ATRN: variants seen among roughly 807,000 people sequenced by gnomAD.
ATRN encodes the protein attractin.
ATRN carries 54 observed loss-of-function variants against 178.7 expected under a neutral mutation model. The observed-to-expected ratio is 0.30, with a 90% CI of 0.24 to 0.38. ATRN has a LOEUF of 0.38. Ranked by LOEUF, ATRN falls within the 10% of genes least tolerant of loss-of-function variation. The pLI, the probability that ATRN is intolerant of heterozygous loss-of-function variation, is 1.00. For synonymous variants in ATRN, 636 were observed against 663.0 expected, an observed-to-expected ratio of 0.96 and a Z score of 0.63; for missense variants, 1,443 against 1,815.1, an observed-to-expected ratio of 0.79 and a Z score of 3.73.
chr20:3,548,178 C>G (rs2085735747), intron 5 of ATRN, among the ~76,000 whole-genome samples: 1 of 152,078 alleles, frequency 6.6e-6, no homozygotes, highest in Non-Finnish European at 1.5e-5. Context: ...TTTGATTTAC[C>G]AGAAGATGGA....
Position 3,616,447 on chromosome 20 carries a change from G to C in ATRN, c.3802-8064G>C, listed in dbSNP as rs527794442. On this transcript the variant is annotated intron_variant, in intron 24 of 28. Coordinates refer to ENST00000262919, the MANE Select transcript of ATRN (RefSeq NM_139321.3). ...AGTGCCCTGTGTCACCTGAGTCCAA[G>C]TTAAGAGAGATCACACCAGAGCTGA... Among the ~76,000 whole-genome samples, 17 of 151,226 alleles carry C rather than the reference G, an allele frequency of 1.1e-4. No homozygotes were observed. The South Asian group carries it at 3.6e-3, about 32-fold the overall frequency.
intron 24 of ATRN, 99 bp downstream of exon 24, chr20:3,604,361 A>G: frequency 7.3e-7 from 1 of 1,374,924 alleles, no homozygotes; most frequent in African/African-American, 1.5e-5. Context: ...TGAGATGTGC[A>G]ATGTGGCTTT....
chr20:3,584,098 G>A lies in ATRN; in HGVS notation c.2950+15G>A. 1.2e-6 allele frequency: 2 copies of A among 1,612,064 alleles called. No homozygotes were observed. The highest frequency in any genetic ancestry group is 2.2e-5 in the South Asian group (2 of 90,976). ...CACCTGCCCCCGTAAGTGAAAAAGG[G>A]AGCCCTAGGCACTTATGCATGCCCT... On this transcript the variant is annotated intron_variant, in intron 17 of 28. Coordinates refer to ENST00000262919, the MANE Select transcript of ATRN (RefSeq NM_139321.3).
chr20:3,516,404 G>A (rs1004326273), intron 1 of ATRN, among the ~76,000 whole-genome samples: 4 of 152,108 alleles, frequency 2.6e-5, no homozygotes, highest in Non-Finnish European at 5.9e-5. Flanking sequence ...GTGCCATTGA[G>A]TGTAAAATGC....
At chr20:3,492,857 G>A (rs780745311) in intron 1 of ATRN, among the ~76,000 whole-genome samples, 7 of 121,416 alleles carry the variant, frequency 5.8e-5, no homozygotes, top group Admixed American at 1.6e-4. Flanking sequence ...AGAGAGAGGC[G>A]CGCGCGCGCG....
chr20:3,490,849 G>A, intron 1 of ATRN: 1 of 827,850 alleles, frequency 1.2e-6, no homozygotes, highest in Non-Finnish European at 2.2e-6. Context: ...AGATCCCTCA[G>A]GTTCCCACTG....
chr20:3,548,641 C>A (rs911237169), intron 5 of ATRN, among the ~76,000 whole-genome samples: 1 of 150,686 alleles, frequency 6.6e-6, no homozygotes, highest in East Asian at 1.9e-4. Flanking sequence ...ATAAAAGATA[C>A]GCATATGAAA....
rs2087111038 is a variant in ATRN, at chr20:3,646,782, G to A, written c.4225G>A (p.Glu1409Lys). 6.2e-7 allele frequency: 1 copy of A among 1,610,058 alleles called. No individual in the cohort carries two copies. Among genetic ancestry groups the A allele is most frequent in the Non-Finnish European group, 8.5e-7 (1 of 1,178,328 alleles). Residue 1409 changes from glutamate (E) to lysine (K), a missense_variant, in exon 29 of 29, where the codon GAG becomes AAG. Glu to Lys is a moderately conservative substitution (Grantham distance 56, BLOSUM62 1). Coordinates refer to ENST00000262919, the MANE Select transcript of ATRN (RefSeq NM_139321.3). ...ISQQMPIVYK[E>K]KSGAVRNRKQ... ...TCAGCAGATGCCGATAGTGTACAAG[G>A]AGAAGTCAGGAGCCGTGAGAAACCG...
In ATRN at chr20:3,650,570, C is replaced by A. The variant is rs886986314; in HGVS notation, c.*3723C>A. 1.3e-5 allele frequency: 2 copies of A among 152,316 alleles called. No individual in the cohort carries two copies. Among genetic ancestry groups the A allele is most frequent in the East Asian group, 3.9e-4 (2 of 5,178 alleles). 9.4% of individuals were successfully genotyped at this position (152,316 alleles called of 1,614,324 possible). On this transcript the variant is annotated 3_prime_UTR_variant, in exon 29 of 29. Coordinates refer to ENST00000262919, the MANE Select transcript of ATRN (RefSeq NM_139321.3). The stretch of plus-strand genomic sequence containing the variant: ...TGACCAAACTTGGCTCCAGCCATTG[C>A]GGTGGTTTCTAGATAGCCAGGCCCA...
chr20:3,508,949 T>C (rs2146123053), intron 1 of ATRN, among the ~76,000 whole-genome samples: 1 of 152,044 alleles, frequency 6.6e-6, no homozygotes, highest in East Asian at 1.9e-4. Context: ...TAATCACTAA[T>C]AGTAGTAAAA....
At chr20:3,524,409 G>A (rs778884337) in intron 1 of ATRN, among the ~76,000 whole-genome samples, 6 of 152,180 alleles carry the variant, frequency 3.9e-5, no homozygotes, top group East Asian at 1.9e-4. Flanking sequence ...ACCCAGATTC[G>A]TAAAGCAAGT....
chr20:3,548,125 A>G (rs1488039000), intron 5 of ATRN, among the ~76,000 whole-genome samples: 1 of 151,670 alleles, frequency 6.6e-6, no homozygotes, highest in Non-Finnish European at 1.5e-5. Flanking sequence ...CAGAAGCCAA[A>G]CCTCCCAAGA....
intron 1 of ATRN, among the ~76,000 whole-genome samples, chr20:3,473,684 G>A (rs1310565617): frequency 6.6e-6 from 1 of 152,170 alleles, no homozygotes; most frequent in African/African-American, 2.4e-5. Flanking sequence ...GTCAGACGAG[G>A]ATCCTTCAAG....
At chr20:3,625,446 G>A (rs542389840) in intron 25 of ATRN, among the ~76,000 whole-genome samples, 1 of 152,252 alleles carries the variant, frequency 6.6e-6, no homozygotes, top group South Asian at 2.1e-4. Flanking sequence ...TTGGGTAGAA[G>A]GATCATTCTT....
At chr20:3,483,450 G>A (rs929533213) in intron 1 of ATRN, among the ~76,000 whole-genome samples, 8 of 152,096 alleles carry the variant, frequency 5.3e-5, no homozygotes, top group African/African-American at 1.9e-4. Flanking sequence ...GGGCTTAGGT[G>A]ATCCTCCCAC....
intron 20 of ATRN, among the ~76,000 whole-genome samples, chr20:3,595,903 C>T (rs957808404): frequency 6.6e-6 from 1 of 152,044 alleles, no homozygotes; most frequent in African/African-American, 2.4e-5. Flanking sequence ...TTTTTTTCTA[C>T]AGACTGGTGA....
chr20:3,589,414 G>A (rs1600135885), intron 18 of ATRN, among the ~76,000 whole-genome samples: 1 of 151,540 alleles, frequency 6.6e-6, no homozygotes, highest in East Asian at 1.9e-4. Flanking sequence ...ATTTTGCAAG[G>A]GCTCTAAATA....
intron 27 of ATRN, among the ~76,000 whole-genome samples, chr20:3,642,153 C>T (rs574142133): frequency 4.6e-5 from 7 of 152,290 alleles, no homozygotes; most frequent in Non-Finnish European, 8.8e-5. Context: ...CAGTGGTGTG[C>T]GTCAGGCCCT....
At chr20:3,556,850 T>C (rs929769585) in intron 6 of ATRN, among the ~76,000 whole-genome samples, 5 of 152,220 alleles carry the variant, frequency 3.3e-5, no homozygotes, top group Admixed American at 6.5e-5. Context: ...CTTCTGATGG[T>C]TCACCTTAGC....
Sources: allele counts gnomAD v4.1 joint callset (sites outside exome capture counted in the v4.1 genomes callset), GRCh38; gene constraint gnomAD v4.1.1; transcripts MANE v1.5; gene names NCBI Gene and HGNC (gene_info 2026-07-23, HGNC 2026-07-21).